The following IQCM variants were observed in gnomAD, a reference collection of about 807,000 sequenced individuals.
IQCM encodes the protein IQ motif containing M, also known as IQ domain-containing protein M.
IQCM carries 45 observed loss-of-function variants against 57.6 expected under a neutral mutation model. That is an observed-to-expected ratio of 0.78 (90% CI 0.62 to 1.00). The LOEUF is 1.00. Ranked by LOEUF, IQCM falls within the 50% of genes least tolerant of loss-of-function variation. The probability of loss-of-function intolerance (pLI) is 0.00; values close to 1 mark genes in which losing one functional copy is unlikely to be tolerated. For synonymous variants in IQCM, 148 were observed against 158.9 expected, an observed-to-expected ratio of 0.93 and a Z score of 0.51; for missense variants, 468 against 511.6, an observed-to-expected ratio of 0.91 and a Z score of 0.82.
intron 13 of IQCM, among the ~76,000 whole-genome samples, chr4:149,374,141 T>C (rs1730552067): frequency 6.6e-6 from 1 of 152,176 alleles, no homozygotes; most frequent in Non-Finnish European, 1.5e-5. Flanking sequence ...CAATCCAATG[T>C]TAGACACCAA....
At chr4:149,779,682 G>A (rs1364512690) in intron 2 of IQCM, among the ~76,000 whole-genome samples, 2 of 152,142 alleles carry the variant, frequency 1.3e-5, no homozygotes, top group African/African-American at 2.4e-5. Context: ...TATTAAATGA[G>A]CAGGCAGCTA....
intron 13 of IQCM, among the ~76,000 whole-genome samples, chr4:149,418,175 T>C (rs1223549943): frequency 6.6e-6 from 1 of 151,538 alleles, no homozygotes; most frequent in Non-Finnish European, 1.5e-5. Context: ...TATGGTTTTT[T>C]TTTTAATTAA....
intron 5 of IQCM, among the ~76,000 whole-genome samples, chr4:149,694,650 A>G (rs1484026250): frequency 1.3e-5 from 2 of 152,168 alleles, no homozygotes; most frequent in African/African-American, 4.8e-5. Context: ...AGTTTTCTAT[A>G]ATTTAAAGCT....
intron 8 of IQCM, among the ~76,000 whole-genome samples, chr4:149,595,180 T>C (rs1175678407): frequency 6.6e-6 from 1 of 152,180 alleles, no homozygotes; most frequent in Non-Finnish European, 1.5e-5. Flanking sequence ...TAGCTCTTCT[T>C]GTTGAATTGA....
At chr4:149,481,136 C>A (rs1248822374) in intron 12 of IQCM, among the ~76,000 whole-genome samples, 1 of 151,764 alleles carries the variant, frequency 6.6e-6, no homozygotes, top group Non-Finnish European at 1.5e-5. Context: ...GTTTGAACAC[C>A]TTCTATATTT....
intron 12 of IQCM, among the ~76,000 whole-genome samples, chr4:149,498,300 C>G (rs1437196883): frequency 1.3e-5 from 2 of 152,124 alleles, no homozygotes; most frequent in East Asian, 3.9e-4. Context: ...GCCTATGGAG[C>G]AGAACAGCTC....
chr4:149,729,622 G>A (rs954467974), intron 5 of IQCM, among the ~76,000 whole-genome samples: 5 of 152,088 alleles, frequency 3.3e-5, no homozygotes, highest in East Asian at 3.9e-4. Context: ...TTACAGGAGC[G>A]TATCACCATG....
intron 13 of IQCM, among the ~76,000 whole-genome samples, chr4:149,412,049 A>C (rs981764556): frequency 6.9e-6 from 1 of 145,906 alleles, no homozygotes; most frequent in African/African-American, 2.5e-5. Context: ...AAAACATGTA[A>C]CATTTAGTGT....
chr4:149,621,743 A>C (rs1756355414), intron 7 of IQCM, among the ~76,000 whole-genome samples: 1 of 152,242 alleles, frequency 6.6e-6, no homozygotes, highest in African/African-American at 2.4e-5. Flanking sequence ...AAGGTTAGCC[A>C]GCATCACCAC....
intron 8 of IQCM, among the ~76,000 whole-genome samples, chr4:149,610,240 G>A (rs372279267): frequency 3.3e-5 from 5 of 151,868 alleles, no homozygotes; most frequent in African/African-American, 1.2e-4. Flanking sequence ...ACAAAAAAAT[G>A]GAAGGGTATT....
chr4:149,385,182 C>T (rs1731336566), intron 13 of IQCM, among the ~76,000 whole-genome samples: 1 of 151,998 alleles, frequency 6.6e-6, no homozygotes, highest in Admixed American at 6.6e-5. Context: ...TTTAATCTGC[C>T]TCCATATTCA....
chr4:149,461,294 G>A (rs1256643464), intron 12 of IQCM, among the ~76,000 whole-genome samples: 1 of 150,268 alleles, frequency 6.7e-6, no homozygotes, highest in Non-Finnish European at 1.5e-5. Flanking sequence ...CAGCTAAAGA[G>A]TCACAAGGAA....
intron 13 of IQCM, among the ~76,000 whole-genome samples, chr4:149,358,882 A>AGGATAT: frequency 6.6e-6 from 1 of 151,468 alleles, no homozygotes; most frequent in East Asian, 1.9e-4. Flanking sequence ...ATATCATGAG[A>AGGATAT]CCACAGTGGA....
At chr4:149,606,545 C>T (rs926446929) in intron 8 of IQCM, among the ~76,000 whole-genome samples, 2 of 152,066 alleles carry the variant, frequency 1.3e-5, no homozygotes, top group African/African-American at 4.8e-5. Flanking sequence ...GAAAACATGA[C>T]CTCACCAAAT....
chr4:149,710,780 A>G (rs1446872468), intron 5 of IQCM, among the ~76,000 whole-genome samples: 2 of 152,146 alleles, frequency 1.3e-5, no homozygotes, highest in South Asian at 2.1e-4. Flanking sequence ...CTTAGGTGCC[A>G]TTTCTTTTCT....
chr4:149,751,565 G>A (rs1295266273), intron 2 of IQCM, among the ~76,000 whole-genome samples: 1 of 152,130 alleles, frequency 6.6e-6, no homozygotes, highest in Admixed American at 6.6e-5. Context: ...AACCCTCATA[G>A]ACTAAGCTCT....
chr4:149,616,392 C>T (rs2134670), intron 8 of IQCM, among the ~76,000 whole-genome samples: 33,686 of 151,798 alleles, frequency 0.22, 4,365 homozygotes, highest in South Asian at 0.48. Context: ...GTCAAATTAA[C>T]GAAAACAGAA....
chr4:149,748,038 GA>G (rs1379513443), intron 2 of IQCM, among the ~76,000 whole-genome samples: 1 of 152,162 alleles, frequency 6.6e-6, no homozygotes, highest in Non-Finnish European at 1.5e-5. Context: ...AGAAGCAAAA[GA>G]TTTAAAATAG....
chr4:149,644,935 C>T (rs182263128), intron 7 of IQCM, among the ~76,000 whole-genome samples: 2 of 152,350 alleles, frequency 1.3e-5, no homozygotes, highest in African/African-American at 4.8e-5. Flanking sequence ...TACCAGCCTT[C>T]TGTATCCTCA....
Sources: gnomAD v4.1 joint callset for allele counts (sites outside exome capture counted in the v4.1 genomes callset) on GRCh38, gnomAD v4.1.1 for gene constraint, MANE v1.5 for transcripts, NCBI Gene and HGNC (gene_info 2026-07-23, HGNC 2026-07-21) for gene names.